SLIT3: variants seen among roughly 807,000 people sequenced by gnomAD.
SLIT3 encodes slit homolog 3 protein.
SLIT3 carries 68 observed loss-of-function variants against 184.0 expected under a neutral mutation model. The ratio of observed to expected loss-of-function variants is 0.37; its 90% CI spans 0.30 to 0.45. SLIT3 has a LOEUF of 0.45. SLIT3 is among the 20% of genes least tolerant of loss of function. The pLI, the probability that SLIT3 is intolerant of heterozygous loss-of-function variation, is 1.00. For missense variants in SLIT3, 1,707 were observed against 2,026.0 expected (o/e 0.84, Z 3.02); for synonymous variants, 831 against 828.6 (o/e 1.00, Z -0.05).
At chr5:168,895,602 G>A (rs866318826) in intron 4 of SLIT3, among the ~76,000 whole-genome samples, 144 of 152,276 alleles carry the variant, frequency 9.5e-4, no homozygotes, top group African/African-American at 3.2e-3. Flanking sequence ...GCCCAGTAAC[G>A]GATGAAATAT....
chr5:169,257,127 A>G (rs1412702480), intron 1 of SLIT3, among the ~76,000 whole-genome samples: 1 of 152,192 alleles, frequency 6.6e-6, no homozygotes, highest in Non-Finnish European at 1.5e-5. Flanking sequence ...CTTTCTTTGC[A>G]TGTATGTGCA....
intron 4 of SLIT3, among the ~76,000 whole-genome samples, chr5:168,899,346 T>C (rs540934668): frequency 3.9e-5 from 6 of 152,160 alleles, no homozygotes; most frequent in East Asian, 1.9e-4. Flanking sequence ...GGAAATCCCA[T>C]CACTACGAAA....
chr5:168,929,086 A>G (rs1761914294), intron 4 of SLIT3, among the ~76,000 whole-genome samples: 1 of 152,182 alleles, frequency 6.6e-6, no homozygotes, highest in Non-Finnish European at 1.5e-5. Context: ...CAATCCTCAC[A>G]ACAACCCTGA....
intron 1 of SLIT3, among the ~76,000 whole-genome samples, chr5:169,265,788 G>T (rs1311141885): frequency 6.6e-6 from 1 of 152,186 alleles, no homozygotes; most frequent in African/African-American, 2.4e-5. Context: ...CCATCAATTG[G>T]CTGATTATTA....
intron 4 of SLIT3, among the ~76,000 whole-genome samples, chr5:169,010,263 C>A (rs1219842006): frequency 1.3e-5 from 2 of 152,110 alleles, no homozygotes; most frequent in Non-Finnish European, 1.5e-5. Context: ...CCTAACAATG[C>A]CAGATGAACA....
chr5:168,755,441 C>CTTTCT (rs1754903202), intron 16 of SLIT3, among the ~76,000 whole-genome samples: 1 of 83,468 alleles, frequency 1.2e-5, no homozygotes, highest in Non-Finnish European at 2.8e-5. Flanking sequence ...TTCTTTCTTT[C>CTTTCT]TTTCTTTTTG....
chr5:168,883,553 C>T (rs1760041792), intron 4 of SLIT3, among the ~76,000 whole-genome samples: 1 of 152,230 alleles, frequency 6.6e-6, no homozygotes, highest in Admixed American at 6.5e-5. Context: ...AGCAGCTCGC[C>T]TCCAGGGCAG....
At chr5:169,297,858 C>T (rs1767559741) in intron 1 of SLIT3, among the ~76,000 whole-genome samples, 1 of 152,312 alleles carries the variant, frequency 6.6e-6, no homozygotes, top group African/African-American at 2.4e-5. Context: ...CCTCAGCCTC[C>T]CAAAGTGCTG....
At chr5:169,162,770 G>A (rs2113396239) in intron 4 of SLIT3, among the ~76,000 whole-genome samples, 1 of 152,178 alleles carries the variant, frequency 6.6e-6, no homozygotes, top group East Asian at 1.9e-4. Flanking sequence ...AGGATAAAAT[G>A]AAGTTAGGGC....
chr5:169,034,241 T>G (rs1178459379), intron 4 of SLIT3, among the ~76,000 whole-genome samples: 2 of 152,220 alleles, frequency 1.3e-5, no homozygotes, highest in Non-Finnish European at 2.9e-5. Context: ...AGACACTTTT[T>G]AGTTTGATGT....
At chr5:168,888,159 A>C (rs1760294797) in intron 4 of SLIT3, among the ~76,000 whole-genome samples, 1 of 152,176 alleles carries the variant, frequency 6.6e-6, no homozygotes, top group Non-Finnish European at 1.5e-5. Flanking sequence ...ATGGAAACCT[A>C]ATGGAAAAGG....
intron 5 of SLIT3, among the ~76,000 whole-genome samples, chr5:168,878,274 G>A (rs111331851): frequency 1.4e-4 from 22 of 152,270 alleles, no homozygotes; most frequent in African/African-American, 4.3e-4. Context: ...AGATAATTAC[G>A]TTCTCTCTCT....
intron 4 of SLIT3, among the ~76,000 whole-genome samples, chr5:168,975,063 C>T (rs766199665): frequency 2.6e-5 from 4 of 152,180 alleles, no homozygotes; most frequent in African/African-American, 7.2e-5. Context: ...AAAGTTACCA[C>T]AAGGGGCACA....
chr5:169,032,901 A>C (rs1329947833), intron 4 of SLIT3, among the ~76,000 whole-genome samples: 2 of 148,506 alleles, frequency 1.3e-5, no homozygotes, highest in Non-Finnish European at 3.0e-5. Context: ...CCATCATCTC[A>C]TAAGTATCCA....
At chr5:168,730,958 G>T (rs1763272497) in intron 20 of SLIT3, among the ~76,000 whole-genome samples, 1 of 151,816 alleles carries the variant, frequency 6.6e-6, no homozygotes, top group Non-Finnish European at 1.5e-5. Flanking sequence ...ATGAAATGGG[G>T]ACCAAAAGGA....
At chr5:168,945,249 T>TTC (rs1263222926) in intron 4 of SLIT3, among the ~76,000 whole-genome samples, 1 of 151,698 alleles carries the variant, frequency 6.6e-6, no homozygotes, top group Non-Finnish European at 1.5e-5. Flanking sequence ...TATCCACATT[T>TTC]TTTTTTTTTT....
intron 1 of SLIT3, among the ~76,000 whole-genome samples, chr5:169,269,747 A>T (rs187503630): frequency 3.9e-5 from 6 of 152,256 alleles, no homozygotes; most frequent in African/African-American, 1.4e-4. Flanking sequence ...GAAGGGCCCA[A>T]CTGCCTCTCC....
In SLIT3 at chr5:168,664,523, TC is replaced by T. The variant is rs10715638; in HGVS notation, c.*1930del. 0.78 allele frequency: 108,305 copies of T among 139,066 alleles called. 39,415 individuals are homozygous for T. The highest frequency in any genetic ancestry group is 0.88 in the African/African-American group (36,051 of 40,822). The allele number at this position is 139,066 out of a possible 1,614,324, so 8.6% of individuals were successfully genotyped here. ...TCCATCCCTTCCTTCTTTCCTTCCTTCCTTCTTCCAGTTGCCTCGTTTTCCT... is the reference window on the plus strand; with the variant it reads ...TCCATCCCTTCCTTCTTTCCTTCCTTCTTCTTCCAGTTGCCTCGTTTTCCT... On this transcript the variant is annotated 3_prime_UTR_variant, in exon 36 of 36. Transcript: ENST00000519560.
At chr5:168,964,250 G>A (rs569835132) in intron 4 of SLIT3, among the ~76,000 whole-genome samples, 3 of 152,312 alleles carry the variant, frequency 2.0e-5, no homozygotes, top group South Asian at 2.1e-4. Context: ...TATTAGGAAC[G>A]ATTTAACTGG....
Sources: gnomAD v4.1 joint callset for allele counts (sites outside exome capture counted in the v4.1 genomes callset) on GRCh38, gnomAD v4.1.1 for gene constraint, MANE v1.5 for transcripts, NCBI Gene and HGNC (gene_info 2026-07-23, HGNC 2026-07-21) for gene names.